ABCG1: variants seen among roughly 807,000 people sequenced by gnomAD.
ABCG1 encodes ATP-binding cassette sub-family G member 1.
In ABCG1, 29 loss-of-function variants were observed where a neutral mutation model predicts 69.2. The ratio of observed to expected loss-of-function variants is 0.42; its 90% CI spans 0.31 to 0.57. The LOEUF (loss-of-function observed/expected upper bound fraction) is 0.57, where lower values mean the gene tolerates loss of function less well. Ranked by LOEUF, ABCG1 falls within the 20% of genes least tolerant of loss-of-function variation. The pLI is 0.15. For missense variants in ABCG1, 718 were observed against 898.1 expected (o/e 0.80, Z 2.56); for synonymous variants, 370 against 374.8 (o/e 0.99, Z 0.15).
At chr21:42,221,606 G>T (rs113590883) in intron 1 of ABCG1, among the ~76,000 whole-genome samples, 1 of 152,334 alleles carries the variant, frequency 6.6e-6, no homozygotes, top group East Asian at 1.9e-4. Context: ...TCAGTTCAGG[G>T]TATGATGCCT....
At chr21:42,213,621 A>G (rs1394998260), upstream of ABCG1, among the ~76,000 whole-genome samples, 1 of 152,244 alleles carries the variant, frequency 6.6e-6, no homozygotes, top group Non-Finnish European at 1.5e-5. Context: ...TGAGAGCTGC[A>G]GTATGGGCTG....
intron 7 of ABCG1, among the ~76,000 whole-genome samples, chr21:42,285,449 T>C (rs2068921890): frequency 6.6e-6 from 1 of 151,624 alleles, no homozygotes; most frequent in Non-Finnish European, 1.5e-5. Flanking sequence ...GAGGCTGCAC[T>C]GAGCCAAGAT....
intron 2 of ABCG1, chr21:42,259,570 G>T (rs920504554): frequency 2.5e-5 from 38 of 1,490,498 alleles, no homozygotes; most frequent in Non-Finnish European, 3.0e-5. Flanking sequence ...GAGGCAAATC[G>T]AGTGGCATTG....
Position 42,291,247 on chromosome 21 carries a change from C to A in ABCG1, c.1494+55C>A, listed in dbSNP as rs1011140355. The A allele has an allele frequency of 3.0e-5, 43 of 1,419,884 alleles. No homozygotes were observed. The Middle Eastern group carries it at 8.6e-4, about 28-fold the overall frequency. 88.0% of individuals were successfully genotyped at this position (1,419,884 alleles called of 1,614,324 possible). ...CGGGGGCAAGAGTTCTCCTGTACACCCTTTATATCGAGTAAGAGGACCTGC... is the reference window on the plus strand; with the variant it reads ...CGGGGGCAAGAGTTCTCCTGTACACACTTTATATCGAGTAAGAGGACCTGC... On this transcript the variant is annotated intron_variant, in intron 12 of 14. Transcript: ENST00000398449. This position sits in a 1 kb window ranked among gnomAD's most constrained non-coding sequence, Gnocchi z 6.4.
At chr21:42,294,236 C>T (rs758202274) in intron 13 of ABCG1, among the ~76,000 whole-genome samples, 1 of 152,164 alleles carries the variant, frequency 6.6e-6, no homozygotes, top group Non-Finnish European at 1.5e-5. Flanking sequence ...GAGGAGCAGA[C>T]GGCAGTCTGT....
In ABCG1 at chr21:42,282,290, C is replaced by T. The variant is rs1569235279; in HGVS notation, c.605C>T (p.Thr202Ile). Reference sequence around the variant, plus strand: ...TGCCCCCAGGTCAAGGAGATACTGACAGCGCTGGGCTTGCTGTCTTGCGCC... The same window carrying T: ...TGCCCCCAGGTCAAGGAGATACTGATAGCGCTGGGCTTGCTGTCTTGCGCC... ...GRREMVKEIL[T>I]ALGLLSCANT... Residue 202 changes from threonine to isoleucine, a missense_variant, in exon 6 of 15, where the codon ACA (threonine) becomes ATA (isoleucine). Physicochemically the swap from Thr to Ile is moderately conservative, Grantham distance 89. Coordinates refer to ENST00000398449, the MANE Select transcript of ABCG1 (RefSeq NM_016818.3). 6 of 1,612,190 alleles carry T rather than the reference C, an allele frequency of 3.7e-6. No homozygotes were observed. The highest frequency in any genetic ancestry group is 5.1e-6 in the Non-Finnish European group (6 of 1,179,878).
intron 2 of ABCG1, among the ~76,000 whole-genome samples, chr21:42,258,304 C>T (rs924519183): frequency 2.0e-5 from 3 of 151,254 alleles, no homozygotes; most frequent in Non-Finnish European, 4.4e-5. Flanking sequence ...CTATTTCTCT[C>T]TCCATCCCTC....
At chr21:42,217,271 A>T (rs150673320), upstream of ABCG1, among the ~76,000 whole-genome samples, 21 of 152,336 alleles carry the variant, frequency 1.4e-4, no homozygotes, top group African/African-American at 5.1e-4. Flanking sequence ...AATTCTGGGC[A>T]CATTCCTGGA....
Position 42,219,496 on chromosome 21 carries a change from C to T in ABCG1, c.42+192C>T, listed in dbSNP as rs2067686162. 6.6e-6 allele frequency among the ~76,000 whole-genome samples: 1 copy of T among 152,216 alleles called. No homozygotes were observed. Among genetic ancestry groups the T allele is most frequent in the South Asian group, 2.1e-4 (1 of 4,834 alleles). On this transcript the variant is annotated intron_variant, in intron 1 of 14. Coordinates refer to ENST00000398449, the MANE Select transcript of ABCG1 (RefSeq NM_016818.3). This position sits in a 1 kb window ranked among gnomAD's most constrained non-coding sequence, Gnocchi z 5.3. Reference sequence around the variant, plus strand: ...CCCCTCCGCCAGGGCCACCTGGAGCCTCGGGATGCCCCTTGCACCGGCAGA... The same window carrying T: ...CCCCTCCGCCAGGGCCACCTGGAGCTTCGGGATGCCCCTTGCACCGGCAGA...
At chr21:42,265,866 G>A (rs1255245513) in intron 2 of ABCG1, among the ~76,000 whole-genome samples, 1 of 152,216 alleles carries the variant, frequency 6.6e-6, no homozygotes, top group Non-Finnish European at 1.5e-5. Context: ...TAGTGAGGCA[G>A]CCCCCTCGCG....
intron 2 of ABCG1, among the ~76,000 whole-genome samples, chr21:42,261,568 A>C (rs776606802): frequency 1.3e-5 from 2 of 152,124 alleles, no homozygotes; most frequent in African/African-American, 2.4e-5. Flanking sequence ...TGAAACCCCG[A>C]GCGAGAGTCC....
At chr21:42,275,371 C>T (rs1485797482) in intron 4 of ABCG1, among the ~76,000 whole-genome samples, 3 of 152,150 alleles carry the variant, frequency 2.0e-5, no homozygotes, top group African/African-American at 7.2e-5. Context: ...GATCTGGCCT[C>T]CAAATGGATG....
upstream of ABCG1, among the ~76,000 whole-genome samples, chr21:42,211,751 C>T (rs531017944): frequency 2.8e-4 from 42 of 151,552 alleles, no homozygotes; most frequent in African/African-American, 8.7e-4. Flanking sequence ...TAGCTGGGCA[C>T]GGTGGCATGC....
intron 2 of ABCG1, among the ~76,000 whole-genome samples, chr21:42,263,861 A>G (rs2068455400): frequency 6.6e-6 from 1 of 152,232 alleles, no homozygotes; most frequent in African/African-American, 2.4e-5. Flanking sequence ...GGAAGAGACG[A>G]CAAGGCCACG....
rs116777174 is a variant in ABCG1, at chr21:42,262,757, C to A, written c.287-8313C>A. Among the ~76,000 whole-genome samples the A allele has an allele frequency of 1.5e-3, 234 of 152,298 alleles. 1 individual carries two copies. Among genetic ancestry groups the A allele is most frequent in the African/African-American group, 5.5e-3 (229 of 41,548 alleles). Reference sequence around the variant, plus strand: ...AATCTTGGATCCTCTGCTGACCTACCGTGTGACCTTGAGCAGGTCATTAAC... The same window carrying A: ...AATCTTGGATCCTCTGCTGACCTACAGTGTGACCTTGAGCAGGTCATTAAC... On this transcript the variant is annotated intron_variant, in intron 2 of 14. Coordinates refer to ENST00000398449, the MANE Select transcript of ABCG1 (RefSeq NM_016818.3).
intron 2 of ABCG1, chr21:42,259,444 C>T (rs915843): frequency 0.17 from 259,304 of 1,547,756 alleles, 24,075 homozygotes; most frequent in African/African-American, 0.38. Context: ...AAAAGGGTGC[C>T]GATGTCTGGC....
chr21:42,294,896 T>C (rs2069174105), intron 14 of ABCG1: 3 of 518,074 alleles, frequency 5.8e-6, no homozygotes, highest in African/African-American at 1.9e-5. Context: ...CGGAGAGCCA[T>C]GGCAGGACCA....
At chr21:42,257,214 T>G (rs1221094042) in intron 2 of ABCG1, among the ~76,000 whole-genome samples, 2 of 152,226 alleles carry the variant, frequency 1.3e-5, no homozygotes, top group Admixed American at 1.3e-4. Flanking sequence ...CAGGGCCCAC[T>G]GGAATCTCCT....
At chr21:42,223,134 C>T (rs1209089572) in intron 1 of ABCG1, among the ~76,000 whole-genome samples, 1 of 152,220 alleles carries the variant, frequency 6.6e-6, no homozygotes, top group Non-Finnish European at 1.5e-5. Flanking sequence ...CCCCTACTCT[C>T]CTGCCCCGAC....
Sources: gnomAD v4.1 joint callset for allele counts (sites outside exome capture counted in the v4.1 genomes callset) on GRCh38, gnomAD v4.1.1 for gene constraint, Gnocchi (gnomAD v3.1) non-coding constraint, MANE v1.5 for transcripts, NCBI Gene and HGNC (gene_info 2026-07-23, HGNC 2026-07-21) for gene names.